Variants in ZFR2 observed in about 807,000 individuals in gnomAD.
ZFR2 encodes zinc finger RNA binding protein 2.
In ZFR2, 104 loss-of-function variants were observed where a neutral mutation model predicts 105.7. That is an observed-to-expected ratio of 0.98 (90% CI 0.84 to 1.16). The LOEUF (loss-of-function observed/expected upper bound fraction) is 1.16. Among genes scored for constraint, ZFR2 ranks in the 50% most tolerant of loss-of-function variants. ZFR2 has a pLI of 0.00. For missense variants in ZFR2, 1,425 were observed against 1,355.5 expected, an observed-to-expected ratio of 1.05 and a Z score of -0.80; for synonymous variants, 634 against 597.7, an observed-to-expected ratio of 1.06 and a Z score of -0.89.
rs1450888625 is a variant in ZFR2, at chr19:3,823,052, T to C, written c.1371+194A>G. ...CGGGGCCATATTCATTTCCTGCTGA[T>C]ACCAAAATCCGGCACCCAAAGTGTC... On this transcript the variant is annotated intron_variant, in intron 8 of 18. Transcript: ENST00000262961. The surrounding 1 kb of genome is among the most constrained non-coding windows in gnomAD (Gnocchi z 5.4). 6.6e-6 allele frequency among the ~76,000 whole-genome samples: 1 copy of C among 152,216 alleles called. No individual in the cohort carries two copies. The highest frequency in any genetic ancestry group is 1.5e-5 in the Non-Finnish European group (1 of 68,032).
At chr19:3,843,233 G>A (rs1014023396) in intron 1 of ZFR2, among the ~76,000 whole-genome samples, 61 of 152,286 alleles carry the variant, frequency 4.0e-4, no homozygotes, top group African/African-American at 1.4e-3. Context: ...CACTTCGGGT[G>A]GCCGAGGCGG....
rs551921245 is a variant in ZFR2 at position 3,837,776 on chromosome 19, G to A, written c.54-2793C>T. Reference sequence around the variant, plus strand: ...TGAACACCATGACTATGGGACACCCGATGGACACCTTGACTGTGACACTCA... The same window carrying A: ...TGAACACCATGACTATGGGACACCCAATGGACACCTTGACTGTGACACTCA... On this transcript the variant is annotated intron_variant, in intron 1 of 18. Transcript: ENST00000262961. Among the ~76,000 whole-genome samples the A allele has an allele frequency of 4.7e-5, 7 of 149,988 alleles. No homozygotes were observed. In the South Asian group the frequency reaches 6.4e-4, roughly 14 times the overall value.
At position 3,834,867 on chromosome 19, in the gene ZFR2, T is replaced by A; in HGVS notation, c.170A>T (p.Tyr57Phe). The A allele has an allele frequency of 6.2e-7, 1 of 1,611,964 alleles. No individual in the cohort carries two copies. Among genetic ancestry groups the A allele is most frequent in the Non-Finnish European group, 8.5e-7 (1 of 1,179,234 alleles). The change falls in exon 2 of 19, where the codon TAC becomes TTC. Residue 57 changes from tyrosine (Y) to phenylalanine (F), a missense_variant. Physicochemically the swap from Tyr to Phe is conservative, Grantham distance 22. Transcript: ENST00000262961. This position sits in a 1 kb window ranked among gnomAD's most constrained non-coding sequence, Gnocchi z 5.3. Reference sequence around the variant, plus strand: ...GCCGGAGTGGGGCTGGTATCCACCGTACCCTGCCGGGGCAGCTGGGGGAAA... The same window carrying A: ...GCCGGAGTGGGGCTGGTATCCACCGAACCCTGCCGGGGCAGCTGGGGGAAA... The part of the protein sequence containing the change: ...PAFPPAAPAG[Y>F]GGYQPHSGQD...
In ZFR2 at chr19:3,807,189, C is replaced by A; in HGVS notation, c.2626G>T (p.Val876Leu). 2 of 1,555,990 alleles carry A rather than the reference C, an allele frequency of 1.3e-6. No individual in the cohort carries two copies. The highest frequency in any genetic ancestry group is 1.7e-6 in the Non-Finnish European group (2 of 1,149,218). The change falls in exon 18 of 19, where the codon GTG becomes TTG. Residue 876 changes from valine to leucine, a missense_variant. Physicochemically the swap from Val to Leu is conservative, Grantham distance 32. Transcript: ENST00000262961. Reference sequence around the variant, plus strand: ...CCTCCTACCTGGGCGCTGGCGGTCACGTCTTCCCGCTCTTGGAGGGTCATG... The same window carrying A: ...CCTCCTACCTGGGCGCTGGCGGTCAAGTCTTCCCGCTCTTGGAGGGTCATG... ...EPMTLQERED[V>L]TASAQHALRM...
intron 17 of ZFR2, among the ~76,000 whole-genome samples, chr19:3,808,311 G>A (rs2037725335): frequency 6.6e-6 from 1 of 152,258 alleles, no homozygotes; most frequent in African/African-American, 2.4e-5. Context: ...CAGGCAATGG[G>A]CCGAAAGCTT....
chr19:3,833,263 A>G (rs1432117372), intron 3 of ZFR2, among the ~76,000 whole-genome samples: 3 of 142,114 alleles, frequency 2.1e-5, no homozygotes, highest in African/African-American at 5.2e-5. Flanking sequence ...AAAAAAAAAA[A>G]AAAGAAAAGA....
At chr19:3,825,124 G>A in intron 7 of ZFR2, 106 bp downstream of exon 7, 10 of 1,323,740 alleles carry the variant, frequency 7.6e-6, no homozygotes, top group East Asian at 3.0e-5. Flanking sequence ...ACCACCCCCC[G>A]GGAAGACATG....
chr19:3,847,024 T>C (rs1331838023), intron 1 of ZFR2, among the ~76,000 whole-genome samples: 3 of 152,220 alleles, frequency 2.0e-5, no homozygotes, highest in Non-Finnish European at 4.4e-5. Context: ...CCAAGATGCC[T>C]TCCTGCCAGG....
chr19:3,851,231 G>A (rs1214911763), intron 1 of ZFR2, among the ~76,000 whole-genome samples: 1 of 152,102 alleles, frequency 6.6e-6, no homozygotes. Context: ...GATGGACAGG[G>A]GGACAGAACA....
In ZFR2 at chr19:3,822,204, A is replaced by G; in HGVS notation, c.1372-4T>C. 11 of 1,584,546 alleles carry G rather than the reference A, an allele frequency of 6.9e-6. No individual in the cohort carries two copies. The highest frequency in any genetic ancestry group is 9.4e-6 in the Non-Finnish European group (11 of 1,166,098). ...CTCGCCCTTCGTCGCTGAACACCTG[A>G]GACACAGAACAGCCGCACGCGCACC... On this transcript the variant is annotated splice_polypyrimidine_tract_variant and splice_region_variant and intron_variant, in intron 8 of 18. Coordinates refer to ENST00000262961, the MANE Select transcript of ZFR2 (RefSeq NM_015174.2).
chr19:3,825,933 G>C (rs1482308618), intron 6 of ZFR2, among the ~76,000 whole-genome samples: 1 of 152,126 alleles, frequency 6.6e-6, no homozygotes, highest in Non-Finnish European at 1.5e-5. Context: ...CGTGTGCACA[G>C]GGCCACTGTG....
intron 17 of ZFR2, among the ~76,000 whole-genome samples, chr19:3,808,587 C>T (rs575021415): frequency 1.2e-4 from 18 of 152,338 alleles, no homozygotes; most frequent in South Asian, 4.1e-4. Context: ...GTGCCGCCGC[C>T]GGTGGGCGTG....
chr19:3,819,401 G>C (rs530587695), intron 11 of ZFR2, among the ~76,000 whole-genome samples, 166 bp from the exon 12 acceptor site: 37 of 152,344 alleles, frequency 2.4e-4, no homozygotes, highest in Non-Finnish European at 5.0e-4. Context: ...GTGGGGAACA[G>C]GGAAGTACCT....
chr19:3,842,201 T>TG lies in ZFR2; in HGVS notation c.54-7219dup, dbSNP rs1230323770. On this transcript the variant is annotated intron_variant, in intron 1 of 18. Transcript: ENST00000262961. ...CTAATTTTTTTATTTTTTGTAGAGA[T>TG]GGGGGTCTTGCTGTGTTGGCCAGGC... Among the ~76,000 whole-genome samples, 3 of 151,728 alleles carry TG rather than the reference T, an allele frequency of 2.0e-5. No homozygotes were observed. In the East Asian group the frequency reaches 5.8e-4, roughly 29 times the overall value.
At chr19:3,808,695 A>G (rs76421657) in intron 17 of ZFR2, among the ~76,000 whole-genome samples, 177 bp downstream of exon 17, 1 of 152,196 alleles carries the variant, frequency 6.6e-6, no homozygotes, top group Non-Finnish European at 1.5e-5. Context: ...GGTGTCCTCC[A>G]TGACCGCGGC....
intron 10 of ZFR2, 53 bp downstream of exon 10, chr19:3,821,287 C>T: frequency 1.3e-6 from 2 of 1,499,402 alleles, no homozygotes; most frequent in African/African-American, 1.4e-5. Flanking sequence ...AGGTTCCACG[C>T]TGGACCTGCC....
chr19:3,826,921 T>C lies in ZFR2; in HGVS notation c.1035+550A>G, dbSNP rs553683414. ...GAGTGTCTCGGCCACTTCATGTTTTTGTGCAATGAGCAGGAACCCTTTTTA... is the reference window on the plus strand; with the variant it reads ...GAGTGTCTCGGCCACTTCATGTTTTCGTGCAATGAGCAGGAACCCTTTTTA... On this transcript the variant is annotated intron_variant, in intron 6 of 18. Coordinates refer to ENST00000262961, the MANE Select transcript of ZFR2 (RefSeq NM_015174.2). Among the ~76,000 whole-genome samples the C allele has an allele frequency of 2.6e-5, 4 of 152,314 alleles. No homozygotes were observed. In the East Asian group the frequency reaches 5.8e-4, roughly 22 times the overall value.
At chr19:3,825,099 AC>A in intron 7 of ZFR2, 130 bp downstream of exon 7, 1 of 1,117,068 alleles carries the variant, frequency 9.0e-7, no homozygotes, top group Non-Finnish European at 1.2e-6. Context: ...GAGAGACGGC[AC>A]CAGCCAGCCC....
intron 5 of ZFR2, among the ~76,000 whole-genome samples, chr19:3,829,088 A>G (rs2037982915): frequency 6.6e-6 from 1 of 151,730 alleles, no homozygotes; most frequent in African/African-American, 2.4e-5. Flanking sequence ...CAGCCTCCCA[A>G]GTAGCTGGGA....
Sources: allele counts gnomAD v4.1 joint callset (sites outside exome capture counted in the v4.1 genomes callset), GRCh38; gene constraint gnomAD v4.1.1; non-coding constraint Gnocchi (gnomAD v3.1); transcripts MANE v1.5; gene names NCBI Gene and HGNC (gene_info 2026-07-23, HGNC 2026-07-21).